The following NDST3 variants were observed in gnomAD, a reference collection of about 807,000 sequenced individuals.
NDST3 encodes the protein N-deacetylase and N-sulfotransferase 3, also known as bifunctional heparan sulfate N-deacetylase/N-sulfotransferase 3.
NDST3 carries 58 observed loss-of-function variants against 96.1 expected under a neutral mutation model. The ratio of observed to expected loss-of-function variants is 0.60; its 90% CI spans 0.49 to 0.75. The LOEUF is 0.75. Ranked by LOEUF, NDST3 falls within the 30% of genes least tolerant of loss-of-function variation. The pLI is 0.00. For synonymous variants in NDST3, 333 were observed against 359.7 expected (o/e 0.93, Z 0.84); for missense variants, 788 against 1,034.2 (o/e 0.76, Z 3.27).
At chr4:118,244,717 AT>A (rs139492881) in intron 12 of NDST3, among the ~76,000 whole-genome samples, 8,299 of 152,164 alleles carry the variant, frequency 0.055, 434 homozygotes, top group African/African-American at 0.14. Flanking sequence ...CATCAAAACT[AT>A]TTTCAAGAAG....
intron 6 of NDST3, among the ~76,000 whole-genome samples, chr4:118,150,133 T>G (rs1370984395): frequency 1.3e-5 from 2 of 152,072 alleles, no homozygotes; most frequent in African/African-American, 2.4e-5. Flanking sequence ...ATAAGCTTTT[T>G]GATGTGCTGC....
rs148863678 is a variant in NDST3, at chr4:118,256,637, T to G, written c.*925T>G. The G allele has an allele frequency of 2.7e-3, 416 of 152,292 alleles. 3 individuals are homozygous for G. Among genetic ancestry groups the G allele is most frequent in the African/African-American group, 9.7e-3 (403 of 41,570 alleles). The allele number at this position is 152,292 out of a possible 1,614,324, so 9.4% of individuals were successfully genotyped here. A position where few individuals can be genotyped will look rare whatever the true frequency, so the allele number is the denominator to read the frequency against. Reference sequence around the variant, plus strand: ...GCATGCCTAGAGTCTGAGGTATGTGTCATCTCCAGAAACAGGTTGACTTTT... The same window carrying G: ...GCATGCCTAGAGTCTGAGGTATGTGGCATCTCCAGAAACAGGTTGACTTTT... On this transcript the variant is annotated 3_prime_UTR_variant, in exon 14 of 14. Coordinates refer to ENST00000296499, the MANE Select transcript of NDST3 (RefSeq NM_004784.3).
chr4:118,175,938 G>A (rs966627099), intron 6 of NDST3, among the ~76,000 whole-genome samples: 11 of 152,058 alleles, frequency 7.2e-5, no homozygotes, highest in African/African-American at 1.2e-4. Context: ...TCAGGTGACT[G>A]GAGACTGATT....
chr4:118,076,065 T>C (rs1200815473), intron 2 of NDST3, among the ~76,000 whole-genome samples: 1 of 152,180 alleles, frequency 6.6e-6, no homozygotes, highest in Non-Finnish European at 1.5e-5. Context: ...GATGCTTAGT[T>C]TGGCTGGATA....
chr4:118,242,769 C>A (rs1425953997), intron 12 of NDST3, among the ~76,000 whole-genome samples: 1 of 151,820 alleles, frequency 6.6e-6, no homozygotes, highest in African/African-American at 2.4e-5. Context: ...TGGTTTCCTC[C>A]GATTTTCTTA....
At chr4:118,068,593 C>CA (rs1344728833) in intron 2 of NDST3, among the ~76,000 whole-genome samples, 1 of 151,994 alleles carries the variant, frequency 6.6e-6, no homozygotes, top group East Asian at 1.9e-4. Flanking sequence ...ATTCCACACT[C>CA]AAAGATTTTT....
chr4:118,141,828 T>C (rs1488277567), intron 5 of NDST3, among the ~76,000 whole-genome samples: 2 of 152,118 alleles, frequency 1.3e-5, no homozygotes, highest in Non-Finnish European at 2.9e-5. Context: ...TTCTCTCACA[T>C]GGGCTGGCAT....
intron 7 of NDST3, among the ~76,000 whole-genome samples, chr4:118,225,358 T>C (rs1051968282): frequency 6.6e-5 from 10 of 152,180 alleles, no homozygotes; most frequent in African/African-American, 2.4e-4. Context: ...AATAATAATC[T>C]TGGCAAATAA....
intron 6 of NDST3, among the ~76,000 whole-genome samples, chr4:118,197,049 A>AT (rs1737741992): frequency 6.8e-6 from 1 of 146,420 alleles, no homozygotes; most frequent in African/African-American, 2.5e-5. Flanking sequence ...TTCCATTATC[A>AT]TTTTTTCCAA....
chr4:118,089,508 T>C (rs924498753), intron 2 of NDST3, among the ~76,000 whole-genome samples: 3 of 151,978 alleles, frequency 2.0e-5, no homozygotes, highest in Non-Finnish European at 4.4e-5. Context: ...AAGAGTCATC[T>C]GACCAATTAT....
chr4:118,207,320 A>C (rs1738500782), intron 6 of NDST3, among the ~76,000 whole-genome samples: 1 of 144,682 alleles, frequency 6.9e-6, no homozygotes. Context: ...AAATTTATAA[A>C]GAAAGAATAT....
At chr4:118,149,212 G>C (rs973708142) in intron 6 of NDST3, among the ~76,000 whole-genome samples, 36 of 152,092 alleles carry the variant, frequency 2.4e-4, no homozygotes, top group African/African-American at 8.7e-4. Context: ...TTGTTCTTTT[G>C]GCTTAGGATT....
chr4:118,172,906 A>G (rs1736042243), intron 6 of NDST3, among the ~76,000 whole-genome samples: 1 of 152,118 alleles, frequency 6.6e-6, no homozygotes, highest in African/African-American at 2.4e-5. Context: ...CTCTTTCTAA[A>G]AGTCCATAGT....
At chr4:118,131,750 A>C (rs1578697597) in intron 4 of NDST3, among the ~76,000 whole-genome samples, 1 of 151,914 alleles carries the variant, frequency 6.6e-6, no homozygotes, top group Non-Finnish European at 1.5e-5. Flanking sequence ...AAGGCTTTTC[A>C]GATATTTGAA....
chr4:118,075,304 G>C lies in NDST3; in HGVS notation c.981+20413G>C, dbSNP rs151161070. Among the ~76,000 whole-genome samples, 1,011 of 152,222 alleles carry C rather than the reference G, an allele frequency of 6.6e-3. 8 individuals are homozygous for C. Among genetic ancestry groups the C allele is most frequent in the African/African-American group, 0.023 (969 of 41,518 alleles). ...TTCTTAATCCAGTCTATCATTGTTG[G>C]ACATTTGGGTTGGTTCCATGTCTTT... On this transcript the variant is annotated intron_variant, in intron 2 of 13. Coordinates refer to ENST00000296499, the MANE Select transcript of NDST3 (RefSeq NM_004784.3).
At chr4:118,113,636 C>T (rs1215062895) in intron 3 of NDST3, among the ~76,000 whole-genome samples, 2 of 152,158 alleles carry the variant, frequency 1.3e-5, no homozygotes, top group East Asian at 3.9e-4. Flanking sequence ...TTAACAGGAA[C>T]TGGGTTTAGT....
intron 2 of NDST3, among the ~76,000 whole-genome samples, chr4:118,075,976 C>A (rs1049489014): frequency 1.3e-5 from 2 of 152,050 alleles, no homozygotes; most frequent in African/African-American, 4.8e-5. Context: ...TTAAGGACTT[C>A]TTTTAAGGCA....
chr4:118,125,889 T>C (rs1328958429), intron 4 of NDST3, among the ~76,000 whole-genome samples: 1 of 152,080 alleles, frequency 6.6e-6, no homozygotes, highest in African/African-American at 2.4e-5. Context: ...TTCCCTAATC[T>C]AATGATCCTG....
At chr4:118,216,367 C>A in intron 6 of NDST3, among the ~76,000 whole-genome samples, 1 of 152,110 alleles carries the variant, frequency 6.6e-6, no homozygotes, top group African/African-American at 2.4e-5. Flanking sequence ...TCCAAAATAA[C>A]AATAATATAT....
Sources: gnomAD v4.1 joint callset for allele counts (sites outside exome capture counted in the v4.1 genomes callset) on GRCh38, gnomAD v4.1.1 for gene constraint, MANE v1.5 for transcripts, NCBI Gene and HGNC (gene_info 2026-07-23, HGNC 2026-07-21) for gene names.